XRRA1: variants seen among roughly 807,000 people sequenced by gnomAD.
XRRA1 encodes the protein X-ray radiation resistance-associated protein 1.
XRRA1 carries 69 observed loss-of-function variants against 80.2 expected under a neutral mutation model. The ratio of observed to expected loss-of-function variants is 0.86; its 90% CI spans 0.71 to 1.05. The LOEUF (loss-of-function observed/expected upper bound fraction) is 1.05, where lower values mean the gene tolerates loss of function less well. Among genes scored for constraint, XRRA1 ranks in the 50% least tolerant of loss-of-function variants. The pLI is 0.00. For synonymous variants in XRRA1, 348 were observed against 389.9 expected, an observed-to-expected ratio of 0.89 and a Z score of 1.27; for missense variants, 967 against 976.4, an observed-to-expected ratio of 0.99 and a Z score of 0.13.
intron 10 of XRRA1, among the ~76,000 whole-genome samples, chr11:74,891,992 T>C (rs959709459): frequency 5.9e-5 from 9 of 152,158 alleles, no homozygotes; most frequent in African/African-American, 1.7e-4. Flanking sequence ...AGGTAATTTA[T>C]AGATTCAATG....
chr11:74,940,867 T>C lies in XRRA1; in HGVS notation c.12A>G (p.Ser4=). The C allele has an allele frequency of 6.2e-7, 1 of 1,607,672 alleles. No individual in the cohort carries two copies. Among genetic ancestry groups the C allele is most frequent in the Admixed American group, 1.7e-5 (1 of 59,170 alleles). MAF[S]GIYKLDDGKP... The stretch of plus-strand genomic sequence containing the variant: ...TCCCATCATCCAGCTTGTAGATTCC[T>C]GAGAAGGCCATCTCCCTGAGAGCCA... Residue 4 remains serine (S), a synonymous_variant, in exon 3 of 19, where the codon TCA becomes TCG. Coordinates refer to ENST00000684022, the MANE Select transcript of XRRA1 (RefSeq NM_001378157.1).
At chr11:74,930,220 G>T in intron 6 of XRRA1, 80 bp downstream of exon 6, 1 of 1,200,734 alleles carries the variant, frequency 8.3e-7, no homozygotes, top group Non-Finnish European at 1.2e-6. Flanking sequence ...ATAGATGGTT[G>T]GACAGACAAA....
chr11:74,933,949 T>C (rs1483817866), intron 4 of XRRA1, 77 bp from the exon 5 acceptor site: 2 of 1,284,024 alleles, frequency 1.6e-6, no homozygotes, highest in Middle Eastern at 1.8e-4. Flanking sequence ...AGCCTTCTCT[T>C]GTTGGGCAAT....
intron 12 of XRRA1, among the ~76,000 whole-genome samples, chr11:74,854,475 G>A (rs2040614390): frequency 6.6e-6 from 1 of 152,168 alleles, no homozygotes; most frequent in Admixed American, 6.5e-5. Flanking sequence ...TACTATTGTT[G>A]TACAAAATCA....
chr11:74,843,117 C>G lies in XRRA1; in HGVS notation c.*83G>C. ...TGAGGCCTGTGGCCGGCTGGTCAAC[C>G]TTGAGGTGCGGTCCAGGGCACAGAG... On this transcript the variant is annotated 3_prime_UTR_variant, in exon 19 of 19. Transcript: ENST00000684022. 6.8e-7 allele frequency: 1 copy of G among 1,466,046 alleles called. No homozygotes were observed. The allele number at this position is 1,466,046 out of a possible 1,614,324, so 90.8% of individuals were successfully genotyped here.
At chr11:74,851,753 C>T (rs1565230015) in intron 13 of XRRA1, among the ~76,000 whole-genome samples, 1 of 152,208 alleles carries the variant, frequency 6.6e-6, no homozygotes, top group Non-Finnish European at 1.5e-5. Context: ...AGATCATGAA[C>T]CTCCCTGAGC....
intron 12 of XRRA1, among the ~76,000 whole-genome samples, chr11:74,854,504 A>G (rs1405859746): frequency 6.6e-6 from 1 of 152,252 alleles, no homozygotes; most frequent in Non-Finnish European, 1.5e-5. Flanking sequence ...CAATTCATAA[A>G]TAGGTATGGT....
chr11:74,885,047 T>C (rs910272529), intron 10 of XRRA1, among the ~76,000 whole-genome samples: 12 of 152,150 alleles, frequency 7.9e-5, no homozygotes, highest in Non-Finnish European at 1.5e-4. Context: ...GATGGTTTCT[T>C]GAGCTCAGGA....
In XRRA1 at chr11:74,866,667, AAATC is replaced by A. The variant is rs571869019; in HGVS notation, c.1004-3650_1004-3647del. On this transcript the variant is annotated intron_variant, in intron 10 of 18. Coordinates refer to ENST00000684022, the MANE Select transcript of XRRA1 (RefSeq NM_001378157.1). ...GATTGAAATAATTAAAAAAAAAAAA[AAATC>A]AAAGAAATCCTGGAATTGAAAAATA... Among the ~76,000 whole-genome samples the A allele has an allele frequency of 4.4e-3, 663 of 152,000 alleles. 9 individuals carry two copies. The highest frequency in any genetic ancestry group is 0.015 in the African/African-American group (632 of 41,400).
At chr11:74,878,561 T>A (rs2046653342) in intron 10 of XRRA1, among the ~76,000 whole-genome samples, 1 of 152,068 alleles carries the variant, frequency 6.6e-6, no homozygotes, top group South Asian at 2.1e-4. Flanking sequence ...TGAATGGTAA[T>A]GCCTAGGTTT....
intron 3 of XRRA1, 125 bp from the exon 4 acceptor site, chr11:74,937,193 A>G: frequency 1.0e-6 from 1 of 986,134 alleles, no homozygotes; most frequent in South Asian, 1.9e-5. Flanking sequence ...CACCAGATAC[A>G]ATACTGCAGC....
chr11:74,859,428 G>T, intron 11 of XRRA1, 145 bp from the exon 12 acceptor site: 1 of 883,338 alleles, frequency 1.1e-6, no homozygotes, highest in Non-Finnish European at 1.6e-6. Flanking sequence ...GGTCATAAGG[G>T]TAGATGTCGC....
intron 10 of XRRA1, among the ~76,000 whole-genome samples, chr11:74,882,730 A>C (rs911433108): frequency 2.0e-4 from 31 of 151,970 alleles, no homozygotes; most frequent in Non-Finnish European, 4.4e-4. Flanking sequence ...CTTCTAACAG[A>C]GAGGACCCTC....
intron 12 of XRRA1, among the ~76,000 whole-genome samples, chr11:74,853,232 G>C (rs979740937): frequency 2.6e-5 from 4 of 152,164 alleles, no homozygotes; most frequent in African/African-American, 9.7e-5. Context: ...TAGTCAGAGA[G>C]GTAAAAGGTG....
intron 10 of XRRA1, among the ~76,000 whole-genome samples, chr11:74,898,509 G>A (rs899970257): frequency 8.0e-6 from 1 of 124,716 alleles, no homozygotes; most frequent in African/African-American, 2.6e-5. Flanking sequence ...CTGCCTACAA[G>A]AAACACACCT....
chr11:74,852,910 A>G (rs937780328), intron 12 of XRRA1, among the ~76,000 whole-genome samples: 7 of 152,236 alleles, frequency 4.6e-5, no homozygotes, highest in African/African-American at 9.6e-5. Context: ...GTAGGACCCA[A>G]TGAAGGTACT....
chr11:74,909,041 G>A (rs1461037455), intron 8 of XRRA1, among the ~76,000 whole-genome samples: 1 of 152,150 alleles, frequency 6.6e-6, no homozygotes, highest in East Asian at 1.9e-4. Context: ...CTCAGGCACG[G>A]CTGTGAGATT....
Position 74,883,925 on chromosome 11 carries a change from C to T in XRRA1, c.1004-20904G>A, listed in dbSNP as rs114648522. ...GAAATTATTTTTTTCCAGCCAGGCA[C>T]GGTAGCTTATGCCTGTAATCGCAGC... On this transcript the variant is annotated intron_variant, in intron 10 of 18. Transcript: ENST00000684022. Among the ~76,000 whole-genome samples, 1,420 of 152,270 alleles carry T rather than the reference C, an allele frequency of 9.3e-3. 16 individuals carry two copies. The highest frequency in any genetic ancestry group is 0.033 in the African/African-American group (1,353 of 41,538).
chr11:74,908,715 G>C (rs933891889), intron 8 of XRRA1, among the ~76,000 whole-genome samples: 6 of 152,156 alleles, frequency 3.9e-5, no homozygotes, highest in African/African-American at 1.4e-4. Flanking sequence ...CACCATAAAA[G>C]AAGTATGTGG....
Sources: gnomAD v4.1 joint callset for allele counts (sites outside exome capture counted in the v4.1 genomes callset) on GRCh38, gnomAD v4.1.1 for gene constraint, MANE v1.5 for transcripts, NCBI Gene and HGNC (gene_info 2026-07-23, HGNC 2026-07-21) for gene names.